The following AHNAK variants were observed in gnomAD, a reference collection of about 807,000 sequenced individuals.
AHNAK encodes AHNAK nucleoprotein, also known as neuroblast differentiation-associated protein AHNAK.
A neutral mutation model predicts 37.8 loss-of-function variants in AHNAK; 23 were observed. That is an observed-to-expected ratio of 0.61 (90% CI 0.44 to 0.86). The LOEUF is 0.86. Among genes scored for constraint, AHNAK ranks in the 40% least tolerant of loss-of-function variants. The probability of loss-of-function intolerance (pLI) is 0.00; values close to 1 mark genes in which losing one functional copy is unlikely to be tolerated. For synonymous variants in AHNAK, 2,481 were observed against 2,636.3 expected (o/e 0.94, Z 1.80); for missense variants, 7,411 against 7,319.4 (o/e 1.01, Z -0.46).
intron 5 of AHNAK, among the ~76,000 whole-genome samples, chr11:62,439,262 T>C (rs1000935101): frequency 2.6e-5 from 4 of 151,484 alleles, no homozygotes; most frequent in African/African-American, 9.7e-5. Flanking sequence ...GCCTAGCTAA[T>C]TTTTTTTGTA....
In AHNAK at chr11:62,526,709, G is replaced by A; in HGVS notation, c.7708C>T (p.Pro2570Ser). The stretch of plus-strand genomic sequence containing the variant: ...TTGGGGGCTTTGATGTTCATCTCTG[G>A]CATCTTTAACTTAGGCCCTTTCAAC... ...GKLKGPKLKM[P>S]EMNIKAPKIS... Residue 2570 changes from proline to serine, a missense_variant, in exon 5 of 5, where the codon CCA becomes TCA. Transcript: ENST00000378024. The A allele has an allele frequency of 6.2e-7, 1 of 1,612,408 alleles. No homozygotes were observed. The highest frequency in any genetic ancestry group is 8.5e-7 in the Non-Finnish European group (1 of 1,179,676).
chr11:62,509,982 T>C (rs1391937804), intron 4 of AHNAK, among the ~76,000 whole-genome samples: 1 of 152,208 alleles, frequency 6.6e-6, no homozygotes, highest in African/African-American at 2.4e-5. Context: ...AATTTAAAGA[T>C]ATACTACATA....
intron 5 of AHNAK, among the ~76,000 whole-genome samples, chr11:62,474,216 G>A (rs1430685721): frequency 2.7e-5 from 4 of 146,742 alleles, no homozygotes; most frequent in Admixed American, 6.8e-5. Flanking sequence ...ACAGAGTCTC[G>A]CTCTGTTGCC....
chr11:62,521,600 C>A lies in AHNAK; in HGVS notation c.12817G>T (p.Gly4273Cys). 6.2e-7 allele frequency: 1 copy of A among 1,612,054 alleles called. No homozygotes were observed. The highest frequency in any genetic ancestry group is 8.5e-7 in the Non-Finnish European group (1 of 1,179,608). The change falls in exon 5 of 5, where the codon GGT (glycine) becomes TGT (cysteine). Residue 4273 changes from glycine to cysteine, a missense_variant. By Grantham distance (159) the Gly-to-Cys change is radical. Transcript: ENST00000378024. The part of the protein sequence containing the change: ...DLHLKGPKVK[G>C]DVDVSLPKVE... ...TTAGGAAGGGAAACATCCACATCAC[C>A]CTTCACCTTGGGACCTTTCAGATGC...
At chr11:62,486,020 CAAAAAAAAAA>C (rs139783265) in intron 5 of AHNAK, among the ~76,000 whole-genome samples, 4 of 68,406 alleles carry the variant, frequency 5.8e-5, no homozygotes, top group African/African-American at 1.7e-4. Context: ...GACTTTGTCT[CAAAAAAAAAA>C]AAAAAAAAAG....
chr11:62,514,135 TCTC>T (rs1157129988), downstream of AHNAK, among the ~76,000 whole-genome samples: 1 of 152,150 alleles, frequency 6.6e-6, no homozygotes, highest in Non-Finnish European at 1.5e-5. Context: ...CCTGGGTAGT[TCTC>T]CTCAGAGGAC....
At chr11:62,438,998 A>T (rs1938239896) in intron 5 of AHNAK, among the ~76,000 whole-genome samples, 1 of 152,022 alleles carries the variant, frequency 6.6e-6, no homozygotes. Context: ...GCATTGCTGA[A>T]ATCCCACAGG....
intron 5 of AHNAK, among the ~76,000 whole-genome samples, chr11:62,444,981 C>T (rs139270372): frequency 6.6e-6 from 1 of 152,242 alleles, no homozygotes. Context: ...ACACTACCTC[C>T]TCCAACAACA....
chr11:62,484,050 A>AT (rs1170194750), intron 5 of AHNAK, among the ~76,000 whole-genome samples: 11 of 150,582 alleles, frequency 7.3e-5, no homozygotes, highest in Admixed American at 6.0e-4. Context: ...AAAAAAAAAA[A>AT]AAAAAAGAAA....
At chr11:62,505,619 C>A (rs992929314) in intron 4 of AHNAK, among the ~76,000 whole-genome samples, 2 of 151,914 alleles carry the variant, frequency 1.3e-5, no homozygotes, top group African/African-American at 4.8e-5. Context: ...CCCTGTGAGT[C>A]CTCTCCCTCT....
chr11:62,463,301 A>C (rs115940438), intron 5 of AHNAK, among the ~76,000 whole-genome samples: 5,625 of 152,182 alleles, frequency 0.037, 357 homozygotes, highest in African/African-American at 0.13. Flanking sequence ...CTCTTTGCAG[A>C]GAGTACACAC....
Position 62,531,531 on chromosome 11 carries a change from T to C in AHNAK, c.2886A>G (p.Gly962=). 1 of 1,614,174 alleles carries C rather than the reference T, an allele frequency of 6.2e-7. No homozygotes were observed. ...GCTTTGGCACTGTCATATCATATTCTCCCTTTACTTTAGGACCTTTCATAT... is the reference window on the plus strand; with the variant it reads ...GCTTTGGCACTGTCATATCATATTCCCCCTTTACTTTAGGACCTTTCATAT... ...DLHMKGPKVK[G]EYDMTVPKLE... Residue 962 remains glycine (G), a synonymous_variant, in exon 5 of 5, where the codon GGA becomes GGG. Transcript: ENST00000378024.
In AHNAK at chr11:62,518,649, A is replaced by G. The variant is rs1395543424; in HGVS notation, c.15768T>C (p.His5256=). The change falls in exon 5 of 5, where the codon CAT becomes CAC. Residue 5256 remains histidine, a synonymous_variant. Coordinates refer to ENST00000378024, the MANE Select transcript of AHNAK (RefSeq NM_001620.3). ...CTCCTTCAAGAGAGGGTAGCTGGGC[A>G]TGGACCTCGGCTCCCCCACCCTCCA... ...VKMEGGGAEV[H]AQLPSLEGDL... 1 of 1,614,162 alleles carries G rather than the reference A, an allele frequency of 6.2e-7. No homozygotes were observed. The highest frequency in any genetic ancestry group is 1.1e-5 in the South Asian group (1 of 91,072).
chr11:62,486,829 G>A (rs1939405950), intron 5 of AHNAK, among the ~76,000 whole-genome samples: 1 of 151,952 alleles, frequency 6.6e-6, no homozygotes, highest in South Asian at 2.1e-4. Context: ...TGAGGTTTTA[G>A]AGGTTTATAA....
In AHNAK at chr11:62,528,121, T is replaced by G. The variant is rs752411808; in HGVS notation, c.6296A>C (p.Lys2099Thr). 1.9e-5 allele frequency: 31 copies of G among 1,612,566 alleles called. No homozygotes were observed. Among genetic ancestry groups the G allele is most frequent in the Non-Finnish European group, 2.6e-5 (31 of 1,179,692 alleles). The change falls in exon 5 of 5, where the codon AAG becomes ACG. Residue 2099 changes from lysine to threonine, a missense_variant. By Grantham distance (78) the Lys-to-Thr change is moderately conservative. Transcript: ENST00000378024. ...PDVSLEGPEG[K>T]LKGPKLKMPE... ...CATCTTAAGCTTGGGGCCCTTCAGCTTCCCTTCTGGACCTTCAAGGCTCAC... is the reference window on the plus strand; with the variant it reads ...CATCTTAAGCTTGGGGCCCTTCAGCGTCCCTTCTGGACCTTCAAGGCTCAC...
intron 5 of AHNAK, among the ~76,000 whole-genome samples, chr11:62,477,600 G>A (rs675485): frequency 0.85 from 129,641 of 152,072 alleles, 56,976 homozygotes; most frequent in Non-Finnish European, 0.96. Context: ...TCAGGAGTTC[G>A]AGACCAGCCT....
chr11:62,437,917 T>A (rs1938211557), intron 5 of AHNAK, among the ~76,000 whole-genome samples: 1 of 152,070 alleles, frequency 6.6e-6, no homozygotes, highest in Non-Finnish European at 1.5e-5. Flanking sequence ...TGTTCTTTTT[T>A]TTTCTTTTGC....
rs1309402060 is a variant in AHNAK, at chr11:62,526,651, T to C, written c.7766A>G (p.Lys2589Arg). The change falls in exon 5 of 5, where the codon AAA becomes AGA. Residue 2589 changes from lysine (K) to arginine (R), a missense_variant. By Grantham distance (26) the Lys-to-Arg change is conservative. Coordinates refer to ENST00000378024, the MANE Select transcript of AHNAK (RefSeq NM_001620.3). The stretch of plus-strand genomic sequence containing the variant: ...CACATCGCCCTTCACCTTGGGACCT[T>C]TCAGATGCAAATCAAAGTCAGGCAT... ...ISMPDFDLHL[K>R]GPKVKGDVDV... is the part of the protein sequence containing the mutation. The C allele has an allele frequency of 6.2e-7, 1 of 1,612,972 alleles. No individual in the cohort carries two copies. Among genetic ancestry groups the C allele is most frequent in the East Asian group, 2.2e-5 (1 of 44,796 alleles).
At chr11:62,494,910 G>A (rs2134169172) in intron 4 of AHNAK, among the ~76,000 whole-genome samples, 1 of 150,618 alleles carries the variant, frequency 6.6e-6, no homozygotes, top group African/African-American at 2.5e-5. Flanking sequence ...TGAGGCACGA[G>A]AATCGCTTGA....
Sources: gnomAD v4.1 joint callset for allele counts (sites outside exome capture counted in the v4.1 genomes callset) on GRCh38, gnomAD v4.1.1 for gene constraint, MANE v1.5 for transcripts, NCBI Gene and HGNC (gene_info 2026-07-23, HGNC 2026-07-21) for gene names.